PCDHGA2: variants seen among roughly 807,000 people sequenced by gnomAD.
PCDHGA2 encodes protocadherin gamma subfamily A, 2, also known as protocadherin gamma-A2.
A neutral mutation model predicts 59.2 loss-of-function variants in PCDHGA2; 40 were observed. The ratio of observed to expected loss-of-function variants is 0.68; its 90% CI spans 0.52 to 0.88. The LOEUF (loss-of-function observed/expected upper bound fraction) is 0.88, where lower values mean the gene tolerates loss of function less well. Among genes scored for constraint, PCDHGA2 ranks in the 40% least tolerant of loss-of-function variants. The probability of loss-of-function intolerance (pLI) is 0.00; values close to 1 mark genes in which losing one functional copy is unlikely to be tolerated. For synonymous variants in PCDHGA2, 560 were observed against 526.0 expected, an observed-to-expected ratio of 1.06 and a Z score of -0.89; for missense variants, 1,226 against 1,204.0, an observed-to-expected ratio of 1.02 and a Z score of -0.27.
Position 141,477,704 on chromosome 5 carries a change from C to T in PCDHGA2, c.2425-17103C>T, listed in dbSNP as rs772195653. 30 of 1,613,968 alleles carry T rather than the reference C, an allele frequency of 1.9e-5. No homozygotes were observed. Among genetic ancestry groups the T allele is most frequent in the Admixed American group, 6.7e-5 (4 of 60,026 alleles). On this transcript the variant is annotated intron_variant, in intron 1 of 3. Transcript: ENST00000394576. This position sits in a 1 kb window ranked among gnomAD's most constrained non-coding sequence, Gnocchi z 4.9. Reference sequence around the variant, plus strand: ...CTTAGTGCCCCTAGACTATGAGGATCGGCGGGAATTTGAATTAACAGCTCA... The same window carrying T: ...CTTAGTGCCCCTAGACTATGAGGATTGGCGGGAATTTGAATTAACAGCTCA...
At chr5:141,388,668 C>T in intron 1 of PCDHGA2, 1 of 1,613,882 alleles carries the variant, frequency 6.2e-7, no homozygotes, top group Non-Finnish European at 8.5e-7. Context: ...GACCACGGTG[C>T]TACAGGTGAC....
chr5:141,422,541 T>C (rs1389095817), intron 1 of PCDHGA2: 1 of 1,613,992 alleles, frequency 6.2e-7, no homozygotes. Context: ...CAGAAACTCA[T>C]GTCTGGCTGA....
chr5:141,460,026 C>T (rs565259315), intron 1 of PCDHGA2, among the ~76,000 whole-genome samples: 36 of 152,090 alleles, frequency 2.4e-4, no homozygotes, highest in Non-Finnish European at 3.2e-4. Flanking sequence ...TGCAGTGAGC[C>T]GAGACTGCAC....
At chr5:141,480,763 A>G (rs541754723) in intron 1 of PCDHGA2, among the ~76,000 whole-genome samples, 1 of 152,308 alleles carries the variant, frequency 6.6e-6, no homozygotes, top group East Asian at 1.9e-4. Flanking sequence ...GAAGGTCCCC[A>G]CTTGATCCTA....
intron 1 of PCDHGA2, among the ~76,000 whole-genome samples, chr5:141,437,064 G>T (rs1380953110): frequency 6.6e-6 from 1 of 152,170 alleles, no homozygotes; most frequent in Non-Finnish European, 1.5e-5. Flanking sequence ...ATCATTATTT[G>T]GTTTGGGCCA....
chr5:141,371,434 T>C, intron 1 of PCDHGA2: 1 of 1,614,004 alleles, frequency 6.2e-7, no homozygotes, highest in Non-Finnish European at 8.5e-7. Flanking sequence ...GCCCCGGAGA[T>C]AACCCTGGCT....
chr5:141,394,803 G>A lies in PCDHGA2; in HGVS notation c.2424+53408G>A, dbSNP rs143444747. The A allele has an allele frequency of 2.5e-6, 4 of 1,613,844 alleles. No homozygotes were observed. In the African/African-American group the frequency reaches 4.0e-5, roughly 16 times the overall value. On this transcript the variant is annotated intron_variant, in intron 1 of 3. Coordinates refer to ENST00000394576, the MANE Select transcript of PCDHGA2 (RefSeq NM_018915.4). Reference sequence around the variant, plus strand: ...CGCCACTGTCACGCTCACCGTAGCCGTGGCTGACAGCATCCCCGAAGTCCT... The same window carrying A: ...CGCCACTGTCACGCTCACCGTAGCCATGGCTGACAGCATCCCCGAAGTCCT...
chr5:141,415,529 G>C, intron 1 of PCDHGA2: 1 of 1,614,184 alleles, frequency 6.2e-7, no homozygotes, highest in South Asian at 1.1e-5. Context: ...ACGCTCATCA[G>C]CCAGGAGAGC....
Position 141,490,526 on chromosome 5 carries a change from C to T in PCDHGA2, c.2425-4281C>T, listed in dbSNP as rs1270447529. 6.2e-7 allele frequency: 1 copy of T among 1,614,116 alleles called. No homozygotes were observed. Among genetic ancestry groups the T allele is most frequent in the Non-Finnish European group, 8.5e-7 (1 of 1,180,008 alleles). ...ATCATCGAGCTGCTGGCCAGCGATGCTGGTTCACCTTCCCTACACAAACAT... is the reference window on the plus strand; with the variant it reads ...ATCATCGAGCTGCTGGCCAGCGATGTTGGTTCACCTTCCCTACACAAACAT... On this transcript the variant is annotated intron_variant, in intron 1 of 3. Coordinates refer to ENST00000394576, the MANE Select transcript of PCDHGA2 (RefSeq NM_018915.4). The surrounding 1 kb of genome is among the most constrained non-coding windows in gnomAD (Gnocchi z 5.4).
chr5:141,379,047 T>C (rs570619122), intron 1 of PCDHGA2: 2 of 152,352 alleles, frequency 1.3e-5, no homozygotes, highest in East Asian at 1.9e-4. Flanking sequence ...GGTGGTATTA[T>C]AGAATGGATT....
intron 1 of PCDHGA2, chr5:141,409,879 A>G (rs1175297210): frequency 1.9e-6 from 3 of 1,612,734 alleles, no homozygotes; most frequent in African/African-American, 2.7e-5. Flanking sequence ...ATGACAACGC[A>G]CCGCGGGTGC....
chr5:141,416,458 G>A (rs1391820726), intron 1 of PCDHGA2: 1 of 152,194 alleles, frequency 6.6e-6, no homozygotes, highest in Non-Finnish European at 1.5e-5. Flanking sequence ...TGGGAAGACA[G>A]ATAAATTTGT....
intron 1 of PCDHGA2, among the ~76,000 whole-genome samples, chr5:141,460,447 A>G (rs1202218653): frequency 6.6e-6 from 1 of 152,170 alleles, no homozygotes; most frequent in Non-Finnish European, 1.5e-5. Context: ...GTAACAATGA[A>G]GATTCATATT....
intron 1 of PCDHGA2, chr5:141,393,007 G>T: frequency 6.2e-7 from 1 of 1,613,850 alleles, no homozygotes; most frequent in South Asian, 1.1e-5. Context: ...CACGGAGTCC[G>T]TATCGTCTCC....
At chr5:141,383,985 T>C (rs924124642) in intron 1 of PCDHGA2, 1 of 1,613,822 alleles carries the variant, frequency 6.2e-7, no homozygotes, top group African/African-American at 1.3e-5. Flanking sequence ...ACACACCTCT[T>C]GGGACAGTCA....
chr5:141,412,416 G>A (rs897228706), intron 1 of PCDHGA2: 1 of 152,162 alleles, frequency 6.6e-6, no homozygotes, highest in Non-Finnish European at 1.5e-5. Flanking sequence ...GATAAAGTAT[G>A]TTTTACACAA....
At chr5:141,370,735 TA>T (rs762297700) in intron 1 of PCDHGA2, 1 of 1,613,926 alleles carries the variant, frequency 6.2e-7, no homozygotes, top group Non-Finnish European at 8.5e-7. Context: ...GAAAAGCCTT[TA>T]AACTTTTTTC....
intron 1 of PCDHGA2, among the ~76,000 whole-genome samples, chr5:141,447,677 A>G (rs748479750): frequency 6.6e-6 from 1 of 152,184 alleles, no homozygotes; most frequent in Non-Finnish European, 1.5e-5. Context: ...GAACTGTTCC[A>G]TATCTTGATA....
Position 141,415,740 on chromosome 5 carries a change from G to T in PCDHGA2, c.2424+74345G>T, listed in dbSNP as rs866795513. 9.4e-4 allele frequency: 585 copies of T among 624,884 alleles called. 4 individuals carry two copies. The highest frequency in any genetic ancestry group is 8.0e-3 in the African/African-American group (318 of 39,862). 38.7% of individuals were successfully genotyped at this position (624,884 alleles called of 1,614,324 possible). A position where few individuals can be genotyped will look rare whatever the true frequency, so the allele number is the denominator to read the frequency against. The stretch of plus-strand genomic sequence containing the variant: ...TGAGTAGAATTTGATGTTTATTAAG[G>T]TTTTTTTTTTTTTTTTTTTTTTTTT... On this transcript the variant is annotated intron_variant, in intron 1 of 3. Coordinates refer to ENST00000394576, the MANE Select transcript of PCDHGA2 (RefSeq NM_018915.4).
Sources: allele counts gnomAD v4.1 joint callset (sites outside exome capture counted in the v4.1 genomes callset), GRCh38; gene constraint gnomAD v4.1.1; non-coding constraint Gnocchi (gnomAD v3.1); transcripts MANE v1.5; gene names NCBI Gene and HGNC (gene_info 2026-07-23, HGNC 2026-07-21).